The following TDRP variants were observed in gnomAD, a reference collection of about 807,000 sequenced individuals.
TDRP encodes testis development-related protein.
In TDRP, 12 loss-of-function variants were observed where a neutral mutation model predicts 10.5. That is an observed-to-expected ratio of 1.15 (90% confidence interval 0.73 to 1.86). The LOEUF is 1.86. Among genes scored for constraint, TDRP ranks in the 40% most tolerant of loss-of-function variants. The pLI, the probability that TDRP is intolerant of heterozygous loss-of-function variation, is 0.00. For missense variants in TDRP, 353 were observed against 229.2 expected (o/e 1.54, Z -3.49); for synonymous variants, 139 against 95.4 (o/e 1.46, Z -2.67).
intron 1 of TDRP, among the ~76,000 whole-genome samples, chr8:531,699 G>C (rs1007594031): frequency 1.3e-5 from 2 of 152,084 alleles, no homozygotes; most frequent in Admixed American, 6.6e-5. Context: ...TTATACTGTG[G>C]GGACAAAACT....
At chr8:510,660 G>A (rs917648251) in intron 1 of TDRP, among the ~76,000 whole-genome samples, 9 of 152,120 alleles carry the variant, frequency 5.9e-5, no homozygotes, top group Non-Finnish European at 1.0e-4. Context: ...AAAAATGAAG[G>A]TAAAATACAG....
In TDRP at chr8:508,357, C is replaced by A. The variant is rs143941700; in HGVS notation, c.109-13760G>T. Among the ~76,000 whole-genome samples the A allele has an allele frequency of 3.8e-3, 571 of 152,182 alleles. 5 individuals are homozygous for A. Among genetic ancestry groups the A allele is most frequent in the African/African-American group, 0.013 (548 of 41,516 alleles). The stretch of plus-strand genomic sequence containing the variant: ...TTTCACATTGCTATAAAGAACTGCC[C>A]AAGACTGGGTAATTTATAAAGAAAA... On this transcript the variant is annotated intron_variant, in intron 1 of 2. Coordinates refer to ENST00000324079, the MANE Select transcript of TDRP (RefSeq NM_001384899.1).
At chr8:494,381 C>G in intron 2 of TDRP, 113 bp downstream of exon 2, 1 of 1,015,264 alleles carries the variant, frequency 9.8e-7, no homozygotes, top group Non-Finnish European at 1.5e-6. Flanking sequence ...CTCGCCGCGC[C>G]CCACAATGCC....
intron 1 of TDRP, among the ~76,000 whole-genome samples, chr8:530,368 G>A (rs1049824183): frequency 2.0e-5 from 3 of 152,044 alleles, no homozygotes; most frequent in Admixed American, 2.0e-4. Flanking sequence ...AAATTCTGGA[G>A]ATTTATTTTG....
intron 2 of TDRP, among the ~76,000 whole-genome samples, chr8:493,461 T>C (rs1476987249): frequency 1.3e-5 from 2 of 152,246 alleles, no homozygotes; most frequent in African/African-American, 4.8e-5. Flanking sequence ...GGGCCATGTG[T>C]CTGTCCTCAG....
chr8:496,193 C>A (rs115608036), intron 1 of TDRP, among the ~76,000 whole-genome samples: 2,059 of 152,326 alleles, frequency 0.014, 35 homozygotes, highest in African/African-American at 0.047. Flanking sequence ...ACACACTGCA[C>A]AAAAACCGAT....
chr8:523,260 C>A (rs746229579), intron 1 of TDRP, among the ~76,000 whole-genome samples: 1 of 151,988 alleles, frequency 6.6e-6, no homozygotes, highest in Non-Finnish European at 1.5e-5. Context: ...TTAACTTAAC[C>A]CCGCATATAA....
intron 1 of TDRP, among the ~76,000 whole-genome samples, chr8:499,014 T>A (rs1801213147): frequency 6.6e-6 from 1 of 152,198 alleles, no homozygotes; most frequent in Non-Finnish European, 1.5e-5. Flanking sequence ...CTTTTCTTTA[T>A]AAATTACCCA....
chr8:510,660 G>C (rs917648251), intron 1 of TDRP, among the ~76,000 whole-genome samples: 2 of 152,120 alleles, frequency 1.3e-5, no homozygotes, highest in African/African-American at 2.4e-5. Flanking sequence ...AAAAATGAAG[G>C]TAAAATACAG....
rs1229279017 is a variant in TDRP at position 492,355 on chromosome 8, A to G, written c.*44T>C. On this transcript the variant is annotated 3_prime_UTR_variant, in exon 3 of 3. Coordinates refer to ENST00000324079, the MANE Select transcript of TDRP (RefSeq NM_001384899.1). ...GACTCAACAACTACATGGTATACTC[A>G]TAAAAGGCCACCATGTCGGGGCACA... 1 of 1,451,760 alleles carries G rather than the reference A, an allele frequency of 6.9e-7. No individual in the cohort carries two copies. Among genetic ancestry groups the G allele is most frequent in the Admixed American group, 2.7e-5 (1 of 36,750 alleles). 89.9% of individuals were successfully genotyped at this position (1,451,760 alleles called of 1,614,324 possible).
At chr8:509,313 C>A (rs754734724) in intron 1 of TDRP, among the ~76,000 whole-genome samples, 1 of 152,220 alleles carries the variant, frequency 6.6e-6, no homozygotes, top group African/African-American at 2.4e-5. Context: ...CATTTCCCTT[C>A]CATACTGGCC....
intron 1 of TDRP, among the ~76,000 whole-genome samples, chr8:508,021 C>A (rs929729264): frequency 6.6e-6 from 1 of 152,152 alleles, no homozygotes; most frequent in African/African-American, 2.4e-5. Flanking sequence ...GCAGGCAACA[C>A]AAACTGCCAG....
Position 490,059 on chromosome 8 carries a change from C to G in TDRP, c.*2340G>C, listed in dbSNP as rs1800924341. The G allele has an allele frequency of 6.6e-6, 1 of 152,174 alleles. No individual in the cohort carries two copies. Among genetic ancestry groups the G allele is most frequent in the Non-Finnish European group, 1.5e-5 (1 of 68,034 alleles). The allele number at this position is 152,174 out of a possible 1,614,324, so 9.4% of individuals were successfully genotyped here. ...TAAAAAAAGTACAGTAGAAGGAGCA[C>G]AGGACAACTCTCTTCACACAAGGAA... is the stretch of plus-strand genomic sequence containing the variant. On this transcript the variant is annotated 3_prime_UTR_variant, in exon 3 of 3. Coordinates refer to ENST00000324079, the MANE Select transcript of TDRP (RefSeq NM_001384899.1).
chr8:539,705 C>T (rs1173508756), intron 1 of TDRP, among the ~76,000 whole-genome samples: 2 of 152,194 alleles, frequency 1.3e-5, no homozygotes, highest in Admixed American at 1.3e-4. Context: ...ACATACCCGC[C>T]CTCCAGCAGA....
chr8:545,324 T>C, upstream of TDRP, among the ~76,000 whole-genome samples: 1 of 69,160 alleles, frequency 1.4e-5, no homozygotes, highest in African/African-American at 5.9e-5. Context: ...CCCCTAGCCC[T>C]GCCCTATCCC....
At chr8:525,531 C>T (rs945128833) in intron 1 of TDRP, among the ~76,000 whole-genome samples, 2 of 152,050 alleles carry the variant, frequency 1.3e-5, no homozygotes, top group South Asian at 2.1e-4. Context: ...TACATGGAAA[C>T]AACAAAGAGA....
intron 1 of TDRP, among the ~76,000 whole-genome samples, chr8:504,676 G>C (rs1168782462): frequency 6.6e-6 from 1 of 152,208 alleles, no homozygotes; most frequent in Non-Finnish European, 1.5e-5. Context: ...ATTCTTGTAA[G>C]AATCACCAGG....
intron 1 of TDRP, among the ~76,000 whole-genome samples, chr8:516,155 C>G (rs932149766): frequency 6.6e-6 from 1 of 152,068 alleles, no homozygotes; most frequent in African/African-American, 2.4e-5. Flanking sequence ...AGAGCGGTTC[C>G]TAAATGTGGT....
At chr8:535,687 G>C (rs1001906839) in intron 1 of TDRP, among the ~76,000 whole-genome samples, 5 of 151,094 alleles carry the variant, frequency 3.3e-5, no homozygotes, top group African/African-American at 1.2e-4. Flanking sequence ...ACAGACTGCA[G>C]GGCCTCCCAC....
Sources: gnomAD v4.1 joint callset for allele counts (sites outside exome capture counted in the v4.1 genomes callset) on GRCh38, gnomAD v4.1.1 for gene constraint, MANE v1.5 for transcripts, NCBI Gene and HGNC (gene_info 2026-07-23, HGNC 2026-07-21) for gene names.